Variants in CTNNA3 observed in about 807,000 individuals in gnomAD.
CTNNA3 encodes catenin alpha 3.
A neutral mutation model predicts 95.7 loss-of-function variants in CTNNA3; 76 were observed. The ratio of observed to expected loss-of-function variants is 0.79; its 90% CI spans 0.66 to 0.96. The LOEUF (loss-of-function observed/expected upper bound fraction) is 0.96. Among genes scored for constraint, CTNNA3 ranks in the 40% least tolerant of loss-of-function variants. The pLI, the probability that CTNNA3 is intolerant of heterozygous loss-of-function variation, is 0.00. For missense variants in CTNNA3, 1,191 were observed against 1,089.8 expected, an observed-to-expected ratio of 1.09 and a Z score of -1.31; for synonymous variants, 431 against 374.4, an observed-to-expected ratio of 1.15 and a Z score of -1.74.
intron 9 of CTNNA3, among the ~76,000 whole-genome samples, chr10:66,631,938 TAA>T (rs1845150299): frequency 6.8e-6 from 1 of 146,718 alleles, no homozygotes; most frequent in African/African-American, 2.5e-5. Flanking sequence ...CTATATATTT[TAA>T]AAGTTTTCAT....
chr10:67,729,627 T>C (rs1841263553), intron 1 of CTNNA3, among the ~76,000 whole-genome samples: 1 of 152,108 alleles, frequency 6.6e-6, no homozygotes, highest in South Asian at 2.1e-4. Context: ...AATTGCATGG[T>C]CAGAATATAA....
chr10:66,901,639 G>A lies in CTNNA3; in HGVS notation c.1048-126115C>T, dbSNP rs186782636. Among the ~76,000 whole-genome samples the A allele has an allele frequency of 2.2e-3, 342 of 152,280 alleles. 3 individuals are homozygous for A. Among genetic ancestry groups the A allele is most frequent in the African/African-American group, 8.0e-3 (334 of 41,562 alleles). On this transcript the variant is annotated intron_variant, in intron 7 of 17. Transcript: ENST00000433211. ...GCTGTATTCAGGAGACCCACCTCAT[G>A]TGCAGAGACACACATAGGCTCAAAA... is the stretch of plus-strand genomic sequence containing the variant.
chr10:67,451,245 C>T (rs1323757041), intron 5 of CTNNA3, among the ~76,000 whole-genome samples: 3 of 152,044 alleles, frequency 2.0e-5, no homozygotes, highest in Admixed American at 6.6e-5. Flanking sequence ...ACTTCCCAGC[C>T]ACCAGAATCA....
At chr10:66,487,687 T>G (rs757201494) in intron 11 of CTNNA3, among the ~76,000 whole-genome samples, 34 of 152,308 alleles carry the variant, frequency 2.2e-4, no homozygotes, top group Non-Finnish European at 4.4e-4. Context: ...TACAATTTAT[T>G]ATTTGTCAAT....
chr10:66,253,441 T>A (rs1252821978), intron 13 of CTNNA3, among the ~76,000 whole-genome samples: 1 of 152,114 alleles, frequency 6.6e-6, no homozygotes, highest in Non-Finnish European at 1.5e-5. Context: ...CAAGCTTCTG[T>A]ATGGCCACTG....
intron 7 of CTNNA3, among the ~76,000 whole-genome samples, chr10:66,953,173 A>G (rs1221957554): frequency 6.6e-6 from 1 of 152,204 alleles, no homozygotes; most frequent in Non-Finnish European, 1.5e-5. Context: ...TGATGGGCTC[A>G]TAACTTAGTT....
intron 7 of CTNNA3, among the ~76,000 whole-genome samples, chr10:67,138,295 T>A (rs914730857): frequency 6.6e-6 from 1 of 152,156 alleles, no homozygotes; most frequent in African/African-American, 2.4e-5. Context: ...CTTCAGGTAG[T>A]CATCAAAGAA....
At chr10:66,072,402 C>A (rs1338537711) in intron 14 of CTNNA3, among the ~76,000 whole-genome samples, 1 of 151,966 alleles carries the variant, frequency 6.6e-6, no homozygotes, top group Non-Finnish European at 1.5e-5. Flanking sequence ...GTTTGTAACT[C>A]CTGAAAGTGC....
chr10:66,685,930 A>G (rs1391055707), intron 9 of CTNNA3, among the ~76,000 whole-genome samples: 1 of 152,184 alleles, frequency 6.6e-6, no homozygotes, highest in Non-Finnish European at 1.5e-5. Flanking sequence ...AGAGATGCAC[A>G]AAATCCCTCC....
chr10:67,453,685 T>A (rs1342608414), intron 5 of CTNNA3, among the ~76,000 whole-genome samples: 1 of 152,238 alleles, frequency 6.6e-6, no homozygotes, highest in Non-Finnish European at 1.5e-5. Flanking sequence ...AACAGTCTGT[T>A]ATCTGTAAAA....
chr10:67,634,529 G>A (rs1255930780), intron 2 of CTNNA3, among the ~76,000 whole-genome samples: 5 of 152,134 alleles, frequency 3.3e-5, no homozygotes, highest in Non-Finnish European at 5.9e-5. Flanking sequence ...GACACAGAAT[G>A]ACAAGTTGGA....
chr10:66,565,121 A>C (rs1037622486), intron 10 of CTNNA3, among the ~76,000 whole-genome samples: 1 of 152,170 alleles, frequency 6.6e-6, no homozygotes, highest in African/African-American at 2.4e-5. Context: ...AGCTTCTTGG[A>C]GTAATGACAT....
intron 7 of CTNNA3, among the ~76,000 whole-genome samples, chr10:66,977,870 T>G (rs748607546): frequency 6.6e-6 from 1 of 152,204 alleles, no homozygotes; most frequent in South Asian, 2.1e-4. Context: ...GTGCTTTCAT[T>G]TGGAAACAAT....
chr10:67,710,849 A>G (rs1289435898), intron 1 of CTNNA3, among the ~76,000 whole-genome samples: 5 of 152,186 alleles, frequency 3.3e-5, no homozygotes, highest in Non-Finnish European at 1.5e-5. Flanking sequence ...CAAGGCATCC[A>G]AAACAGAAAA....
intron 7 of CTNNA3, among the ~76,000 whole-genome samples, chr10:67,166,081 G>A (rs146356083): frequency 3.6e-4 from 55 of 152,256 alleles, no homozygotes; most frequent in African/African-American, 1.3e-3. Context: ...CAAGGAGGAA[G>A]GGAGACTTAG....
At position 66,487,181 on chromosome 10, in the gene CTNNA3, A is replaced by ATTTTTTTTTTTT. The variant is rs60547696; in HGVS notation, c.1531+33424_1531+33435dup. On this transcript the variant is annotated intron_variant, in intron 11 of 17. Transcript: ENST00000433211. ...TACTTGAAATTTAATAAAAGGGCAGATTTTTTTTTTTTTTTTTTTTTTTTT... is the reference window on the plus strand; with the variant it reads ...TACTTGAAATTTAATAAAAGGGCAGATTTTTTTTTTTTTTTTTTTTTTTTTTTTTTTTTTTTT... 2.6e-4 allele frequency among the ~76,000 whole-genome samples: 12 copies of ATTTTTTTTTTTT among 45,986 alleles called. 2 individuals are homozygous for ATTTTTTTTTTTT. The highest frequency in any genetic ancestry group is 9.9e-4 in the African/African-American group (11 of 11,114). The allele number at this position is 45,986 out of a possible 152,430, so 30.2% of individuals were successfully genotyped here.
chr10:67,736,089 T>C (rs1841300699), intron 1 of CTNNA3, among the ~76,000 whole-genome samples: 2 of 152,170 alleles, frequency 1.3e-5, no homozygotes, highest in African/African-American at 4.8e-5. Flanking sequence ...GGTATATACA[T>C]ACAATGAAAT....
intron 5 of CTNNA3, among the ~76,000 whole-genome samples, chr10:67,237,755 C>T (rs1038922077): frequency 6.6e-6 from 1 of 152,118 alleles, no homozygotes; most frequent in Non-Finnish European, 1.5e-5. Context: ...AGGCAAGAGA[C>T]ATTTCACGTG....
At chr10:67,351,314 C>A (rs977115006) in intron 5 of CTNNA3, among the ~76,000 whole-genome samples, 17 of 151,634 alleles carry the variant, frequency 1.1e-4, no homozygotes, top group South Asian at 2.1e-4. Context: ...ACCTATTTTC[C>A]AAAACTCATA....
Sources: allele counts gnomAD v4.1 joint callset (sites outside exome capture counted in the v4.1 genomes callset), GRCh38; gene constraint gnomAD v4.1.1; transcripts MANE v1.5; gene names NCBI Gene and HGNC (gene_info 2026-07-23, HGNC 2026-07-21).